Variants in YBEY observed in about 807,000 individuals in gnomAD.
YBEY encodes ybeY metalloendoribonuclease.
A neutral mutation model predicts 13.5 loss-of-function variants in YBEY; 15 were observed. The observed-to-expected ratio is 1.11, with a 90% CI of 0.75 to 1.72. The LOEUF (loss-of-function observed/expected upper bound fraction) is 1.72, where lower values mean the gene tolerates loss of function less well. Ranked by LOEUF, YBEY falls within the 40% of genes most tolerant of loss-of-function variation. YBEY has a pLI of 0.00. For missense variants in YBEY, 244 were observed against 208.4 expected, an observed-to-expected ratio of 1.17 and a Z score of -1.05; for synonymous variants, 101 against 83.1, an observed-to-expected ratio of 1.21 and a Z score of -1.17.
At chr21:46,295,250 CAT>C (rs2081912036) in intron 3 of YBEY, among the ~76,000 whole-genome samples, 1 of 152,092 alleles carries the variant, frequency 6.6e-6, no homozygotes, top group South Asian at 2.1e-4. Context: ...ACCCCATCCT[CAT>C]AGCCACAGGC....
At chr21:46,302,710 G>A (rs1167581190), downstream of YBEY, 6 of 707,314 alleles carry the variant, frequency 8.5e-6, no homozygotes, top group Admixed American at 4.7e-5. Flanking sequence ...CTCTGAGTCC[G>A]TCTGCACACG....
chr21:46,292,813 T>C (rs867070422), intron 3 of YBEY, among the ~76,000 whole-genome samples: 7 of 107,294 alleles, frequency 6.5e-5, no homozygotes, highest in Admixed American at 2.0e-4. Context: ...CTCCCGCGGT[T>C]AGCCTGACCC....
downstream of YBEY, chr21:46,301,317 A>G (rs1388249429): frequency 3.0e-6 from 1 of 329,940 alleles, no homozygotes. Flanking sequence ...AGTTTTTTAA[A>G]TTTATTTTTT....
chr21:46,295,333 C>T (rs1481067519), intron 3 of YBEY, among the ~76,000 whole-genome samples: 2 of 152,018 alleles, frequency 1.3e-5, no homozygotes, highest in African/African-American at 4.8e-5. Context: ...TCCATGTCTC[C>T]AGGCACCTCC....
rs555796502 is a variant in YBEY at position 46,287,636 on chromosome 21, C to T, written c.210+513C>T. Among the ~76,000 whole-genome samples the T allele has an allele frequency of 3.3e-5, 5 of 152,194 alleles. No homozygotes were observed. The South Asian group carries it at 6.2e-4, about 19-fold the overall frequency. ...AAAGTAGAGAGAGCAGTATATTCAG[C>T]CTCCACTGATCGAGGCCCATCACCC... is the stretch of plus-strand genomic sequence containing the variant. On this transcript the variant is annotated intron_variant, in intron 2 of 4. Transcript: ENST00000397701.
chr21:46,289,451 T>G (rs865793947), intron 2 of YBEY, among the ~76,000 whole-genome samples: 6 of 125,464 alleles, frequency 4.8e-5, no homozygotes, highest in Admixed American at 3.3e-4. Context: ...GTTTTGTTTT[T>G]TTTTTTTTTT....
chr21:46,291,406 G>C lies in YBEY; in HGVS notation c.283G>C (p.Val95Leu), dbSNP rs1241826173. The change falls in exon 3 of 5, where the codon GTG becomes CTG. Residue 95 changes from valine to leucine, a missense_variant. By Grantham distance (32) the Val-to-Leu change is conservative (BLOSUM62 1). Coordinates refer to ENST00000397701, the MANE Select transcript of YBEY (RefSeq NM_001314025.2). ...CAATTTGGGAGACATTTTCCTAGGA[G>C]TGGAGTATATCTTCCATCAGTGTAA... ...DYNLGDIFLG[V>L]EYIFHQCKEN... 1.2e-6 allele frequency: 2 copies of C among 1,614,154 alleles called. No individual in the cohort carries two copies. Among genetic ancestry groups the C allele is most frequent in the Non-Finnish European group, 8.5e-7 (1 of 1,180,034 alleles).
At chr21:46,306,277 G>A in the YBEY span, among the ~76,000 whole-genome samples, 15 of 152,278 alleles carry the variant, frequency 9.9e-5, no homozygotes, top group Middle Eastern at 6.8e-3. Context: ...GGGAGGCTGA[G>A]GAGGGTGGAT....
At chr21:46,311,593 T>C in the YBEY span, 13 of 1,404,802 alleles carry the variant, frequency 9.3e-6, no homozygotes, top group South Asian at 1.2e-5. Context: ...TGATTAGCTA[T>C]CTGCATATGT....
chr21:46,311,479 T>TGGG, the YBEY span: 1 of 1,605,098 alleles, frequency 6.2e-7, no homozygotes, highest in Non-Finnish European at 8.5e-7. Flanking sequence ...TCCTGACCGT[T>TGGG]GAGTAGGGAA....
At chr21:46,311,628 C>T in the YBEY span, 1 of 975,654 alleles carries the variant, frequency 1.0e-6, no homozygotes, top group African/African-American at 1.6e-5. Flanking sequence ...TCTCCAGTAT[C>T]TACCACCCAT....
the YBEY span, among the ~76,000 whole-genome samples, chr21:46,305,725 G>A: frequency 8.6e-5 from 13 of 151,468 alleles, no homozygotes; most frequent in Non-Finnish European, 1.8e-4. Flanking sequence ...GGATCATGAG[G>A]TTAGAAGATC....
chr21:46,301,086 T>C (rs1378075998), downstream of YBEY: 13 of 418,560 alleles, frequency 3.1e-5, no homozygotes, highest in East Asian at 4.9e-4. Flanking sequence ...GCACTCTCCC[T>C]TTTTTTTTTT....
chr21:46,298,631 G>C (rs1316500114), downstream of YBEY, among the ~76,000 whole-genome samples: 6 of 151,502 alleles, frequency 4.0e-5, no homozygotes, highest in Admixed American at 2.0e-4. Flanking sequence ...GGGTTTCACT[G>C]TGTTAGCCAG....
At chr21:46,286,682 C>T (rs927021221) in intron 1 of YBEY, 188 bp from the exon 2 acceptor site, 14 of 341,142 alleles carry the variant, frequency 4.1e-5, no homozygotes, top group Non-Finnish European at 6.3e-5. Context: ...TGGAGTCCTT[C>T]TGGCCGGATT....
intron 4 of YBEY, among the ~76,000 whole-genome samples, chr21:46,297,023 G>A (rs1569105261): frequency 6.6e-6 from 1 of 151,916 alleles, no homozygotes; most frequent in Non-Finnish European, 1.5e-5. Context: ...AGTTGGCCAG[G>A]CGCAGTGGCT....
chr21:46,299,852 A>C (rs999671062), downstream of YBEY, among the ~76,000 whole-genome samples: 2 of 151,846 alleles, frequency 1.3e-5, no homozygotes, highest in Admixed American at 6.6e-5. Context: ...AAGTAGCCCA[A>C]GCCCATTTTC....
downstream of YBEY, chr21:46,301,818 C>T (rs541008804): frequency 8.6e-5 from 109 of 1,262,180 alleles, no homozygotes; most frequent in African/African-American, 1.5e-3. Context: ...GGAATGGCCC[C>T]GTGACCAGAA....
At chr21:46,296,122 T>TG in intron 3 of YBEY, 40 bp from the exon 4 acceptor site, 1 of 1,612,492 alleles carries the variant, frequency 6.2e-7, no homozygotes, top group Non-Finnish European at 8.5e-7. Context: ...CAGGTTCCTG[T>TG]GGGGTCATCC....
Sources: allele counts gnomAD v4.1 joint callset (sites outside exome capture counted in the v4.1 genomes callset), GRCh38; gene constraint gnomAD v4.1.1; transcripts MANE v1.5; gene names NCBI Gene and HGNC (gene_info 2026-07-23, HGNC 2026-07-21).